Variants in TMEM132C observed in about 807,000 individuals in gnomAD.
The protein encoded by TMEM132C is protein phosphatase 1, regulatory subunit 152.
TMEM132C carries 29 observed loss-of-function variants against 61.4 expected under a neutral mutation model. That is an observed-to-expected ratio of 0.47 (90% confidence interval 0.35 to 0.64). The LOEUF (loss-of-function observed/expected upper bound fraction) is 0.64, where lower values mean the gene tolerates loss of function less well. Ranked by LOEUF, TMEM132C falls within the 30% of genes least tolerant of loss-of-function variation. TMEM132C has a pLI of 0.00. For missense variants in TMEM132C, 1,408 were observed against 1,476.9 expected (o/e 0.95, Z 0.76); for synonymous variants, 656 against 633.1 (o/e 1.04, Z -0.54).
intron 1 of TMEM132C, chr12:128,288,361 T>A (rs906329252): frequency 3.9e-5 from 6 of 152,170 alleles, no homozygotes; most frequent in Non-Finnish European, 7.3e-5. Context: ...CCCAGCCCTC[T>A]CTTACTTTTA....
chr12:128,484,524 A>G (rs531758346), intron 2 of TMEM132C, among the ~76,000 whole-genome samples: 1 of 152,230 alleles, frequency 6.6e-6, no homozygotes, highest in African/African-American at 2.4e-5. Context: ...TCTGCCTCCT[A>G]TAAACATCTT....
intron 2 of TMEM132C, among the ~76,000 whole-genome samples, chr12:128,508,598 C>T (rs974156064): frequency 6.6e-6 from 1 of 152,228 alleles, no homozygotes; most frequent in African/African-American, 2.4e-5. Flanking sequence ...GCATTGTCAG[C>T]CTCTGTGTGG....
intron 5 of TMEM132C, among the ~76,000 whole-genome samples, chr12:128,687,748 T>C (rs2135646516): frequency 6.6e-6 from 1 of 152,306 alleles, no homozygotes; most frequent in African/African-American, 2.4e-5. Context: ...AGATATTATT[T>C]AAACATTTTC....
chr12:128,613,504 C>T (rs1213537616), intron 3 of TMEM132C, among the ~76,000 whole-genome samples: 1 of 152,200 alleles, frequency 6.6e-6, no homozygotes, highest in Non-Finnish European at 1.5e-5. Flanking sequence ...TGGAAACACT[C>T]TAGACTCAAG....
At chr12:128,456,545 C>A (rs1042208655) in intron 2 of TMEM132C, among the ~76,000 whole-genome samples, 4 of 150,828 alleles carry the variant, frequency 2.7e-5, no homozygotes, top group Non-Finnish European at 1.5e-5. Flanking sequence ...TAGCTGGGAC[C>A]ACAGGTGCCT....
chr12:128,655,622 G>T (rs955283166), intron 4 of TMEM132C, among the ~76,000 whole-genome samples: 5 of 151,902 alleles, frequency 3.3e-5, no homozygotes, highest in Non-Finnish European at 7.4e-5. Context: ...AGGCTGAGTT[G>T]TCAGTCTCTG....
chr12:128,416,075 A>G (rs531056450), intron 2 of TMEM132C, among the ~76,000 whole-genome samples: 13 of 152,172 alleles, frequency 8.5e-5, no homozygotes, highest in African/African-American at 3.1e-4. Flanking sequence ...CTTTTTTTTA[A>G]TTAGGTGGTG....
intron 2 of TMEM132C, among the ~76,000 whole-genome samples, chr12:128,518,733 CAT>C (rs1162671595): frequency 6.6e-6 from 1 of 151,422 alleles, no homozygotes; most frequent in African/African-American, 2.4e-5. Context: ...TGTGTGTGTG[CAT>C]GTGTGTGCGT....
chr12:128,525,105 T>C (rs1262534491), intron 2 of TMEM132C, among the ~76,000 whole-genome samples: 1 of 152,164 alleles, frequency 6.6e-6, no homozygotes. Context: ...TGCTGTTAGA[T>C]TGCAGGTGGA....
chr12:128,648,722 T>G (rs1176721273), intron 4 of TMEM132C, among the ~76,000 whole-genome samples: 1 of 149,358 alleles, frequency 6.7e-6, no homozygotes, highest in Non-Finnish European at 1.5e-5. Context: ...CCATCAGCGT[T>G]GGATGAGTGT....
At chr12:128,447,152 C>T (rs1243334349) in intron 2 of TMEM132C, among the ~76,000 whole-genome samples, 1 of 152,164 alleles carries the variant, frequency 6.6e-6, no homozygotes, top group Non-Finnish European at 1.5e-5. Context: ...TTGCTTGTAG[C>T]TGTTGTGACC....
chr12:128,372,418 GAGAC>G (rs920439626), intron 1 of TMEM132C, among the ~76,000 whole-genome samples: 3 of 152,188 alleles, frequency 2.0e-5, no homozygotes, highest in African/African-American at 4.8e-5. Flanking sequence ...GAGAAAGACA[GAGAC>G]AGACAGAGTG....
intron 1 of TMEM132C, among the ~76,000 whole-genome samples, chr12:128,341,026 C>T (rs1872963020): frequency 1.3e-5 from 2 of 151,514 alleles, no homozygotes; most frequent in South Asian, 4.2e-4. Context: ...CTGCAGCCTC[C>T]GCCTCCCAGG....
intron 2 of TMEM132C, among the ~76,000 whole-genome samples, chr12:128,513,182 G>C (rs1050683863): frequency 6.6e-6 from 1 of 152,062 alleles, no homozygotes; most frequent in Non-Finnish European, 1.5e-5. Context: ...CTTGAAGGAA[G>C]GGAGGGAGCC....
chr12:128,499,694 T>C (rs1872091647), intron 2 of TMEM132C, among the ~76,000 whole-genome samples: 1 of 152,212 alleles, frequency 6.6e-6, no homozygotes, highest in African/African-American at 2.4e-5. Context: ...TCCAGTTTCA[T>C]CCATCTTGGT....
In TMEM132C at chr12:128,326,685, A is replaced by G. The variant is rs1872528627; in HGVS notation, c.85+59198A>G. On this transcript the variant is annotated intron_variant, in intron 1 of 8. Transcript: ENST00000435159. This position sits in a 1 kb window ranked among gnomAD's most constrained non-coding sequence, Gnocchi z 5.6. ...AAGGGAACACTGAAGCAGGATCTCT[A>G]TTAGCCTTTGTGCCCCTAAGACGGA... 6.6e-6 allele frequency among the ~76,000 whole-genome samples: 1 copy of G among 152,206 alleles called. No homozygotes were observed. Among genetic ancestry groups the G allele is most frequent in the Admixed American group, 6.5e-5 (1 of 15,276 alleles).
At chr12:128,670,322 A>G (rs2135631239) in intron 5 of TMEM132C, among the ~76,000 whole-genome samples, 1 of 152,288 alleles carries the variant, frequency 6.6e-6, no homozygotes, top group Non-Finnish European at 1.5e-5. Context: ...TAATATATAT[A>G]TATGTTATTA....
intron 1 of TMEM132C, among the ~76,000 whole-genome samples, chr12:128,329,781 C>A (rs1019433452): frequency 2.6e-5 from 4 of 152,134 alleles, no homozygotes; most frequent in Non-Finnish European, 5.9e-5. Flanking sequence ...AAGCTGGTCC[C>A]AAGATGTCTG....
chr12:128,474,948 C>G (rs80170365), intron 2 of TMEM132C, among the ~76,000 whole-genome samples: 9,910 of 152,246 alleles, frequency 0.065, 411 homozygotes, highest in Middle Eastern at 0.11. Context: ...ACAGTGCCCC[C>G]TTTGGAATAC....
Sources: gnomAD v4.1 joint callset for allele counts (sites outside exome capture counted in the v4.1 genomes callset) on GRCh38, gnomAD v4.1.1 for gene constraint, Gnocchi (gnomAD v3.1) non-coding constraint, MANE v1.5 for transcripts, NCBI Gene and HGNC (gene_info 2026-07-23, HGNC 2026-07-21) for gene names.